Variants in UBE2G1 observed in about 807,000 individuals in gnomAD.
UBE2G1 encodes ubiquitin-conjugating enzyme E2 G1.
Under a neutral mutation model 22.7 loss-of-function variants are expected in UBE2G1, and 5 were observed. That is an observed-to-expected ratio of 0.22 (90% confidence interval 0.12 to 0.46). The LOEUF is 0.46. UBE2G1 is among the 20% of genes least tolerant of loss of function. UBE2G1 has a pLI of 0.99. For missense variants in UBE2G1, 88 were observed against 203.9 expected (o/e 0.43, Z 3.46); for synonymous variants, 74 against 67.5 (o/e 1.10, Z -0.47).
At chr17:4,324,484 A>G (rs1969478440) in intron 1 of UBE2G1, among the ~76,000 whole-genome samples, 1 of 152,220 alleles carries the variant, frequency 6.6e-6, no homozygotes, top group Non-Finnish European at 1.5e-5. Flanking sequence ...CAATTTTAAA[A>G]TCACACATTA....
intron 1 of UBE2G1, among the ~76,000 whole-genome samples, chr17:4,328,674 T>G (rs571411422): frequency 6.6e-6 from 1 of 152,254 alleles, no homozygotes; most frequent in African/African-American, 2.4e-5. Context: ...ATACATTTAT[T>G]CAAACTTATA....
intron 3 of UBE2G1, 51 bp from the exon 4 acceptor site, chr17:4,289,459 C>T (rs1171327064): frequency 3.4e-6 from 5 of 1,449,802 alleles, no homozygotes; most frequent in East Asian, 2.5e-5. Context: ...TTTGGTTATA[C>T]ATGAAATATC....
rs145469584 is a variant in UBE2G1, at chr17:4,315,256, G to A, written c.47-8133C>T. Among the ~76,000 whole-genome samples the A allele has an allele frequency of 8.0e-4, 122 of 151,828 alleles. 1 individual carries two copies. Among genetic ancestry groups the A allele is most frequent in the Middle Eastern group, 3.4e-3 (1 of 294 alleles). The stretch of plus-strand genomic sequence containing the variant: ...CTATCTGTCTACTTTGGTATTATTG[G>A]GCATTTAAAATTTTCCTCAAAAGAT... On this transcript the variant is annotated intron_variant, in intron 1 of 5. Transcript: ENST00000396981.
At chr17:4,278,935 CA>C (rs1420498144) in intron 5 of UBE2G1, among the ~76,000 whole-genome samples, 2 of 152,118 alleles carry the variant, frequency 1.3e-5, no homozygotes, top group South Asian at 2.1e-4. Flanking sequence ...CATTTAATCA[CA>C]AAAATAAATT....
intron 4 of UBE2G1, among the ~76,000 whole-genome samples, chr17:4,284,045 T>C (rs1028753814): frequency 6.6e-6 from 1 of 151,330 alleles, no homozygotes; most frequent in African/African-American, 2.4e-5. Flanking sequence ...TAGTCCCAGC[T>C]ACTTGGGAAG....
intron 1 of UBE2G1, among the ~76,000 whole-genome samples, chr17:4,356,294 G>A (rs1969905522): frequency 6.6e-6 from 1 of 151,718 alleles, no homozygotes; most frequent in Non-Finnish European, 1.5e-5. Context: ...GGAGGCAGAG[G>A]TTGCAGTGAG....
intron 2 of UBE2G1, chr17:4,302,797 AT>A (rs1208374236): frequency 5.5e-6 from 1 of 183,048 alleles, no homozygotes; most frequent in African/African-American, 2.4e-5. Context: ...GAGAAAAAAA[AT>A]AATGGAATGG....
At chr17:4,363,674 C>T (rs553449882) in intron 1 of UBE2G1, among the ~76,000 whole-genome samples, 2 of 152,120 alleles carry the variant, frequency 1.3e-5, no homozygotes, top group East Asian at 1.9e-4. Flanking sequence ...TCAGAGAGGC[C>T]GGGCCCGGTG....
At chr17:4,340,938 A>C (rs947297724) in intron 1 of UBE2G1, among the ~76,000 whole-genome samples, 1 of 151,140 alleles carries the variant, frequency 6.6e-6, no homozygotes, top group Admixed American at 6.6e-5. Context: ...CATAACATGA[A>C]TATAACAAAA....
intron 1 of UBE2G1, among the ~76,000 whole-genome samples, chr17:4,315,236 T>G (rs993939602): frequency 2.0e-5 from 3 of 152,194 alleles, no homozygotes; most frequent in African/African-American, 7.2e-5. Flanking sequence ...TATACCTATC[T>G]GTCTACTTTG....
At chr17:4,346,431 C>CTTTTTTTTTTTTTTTTTTT (rs67852481) in intron 1 of UBE2G1, among the ~76,000 whole-genome samples, 1 of 120,530 alleles carries the variant, frequency 8.3e-6, no homozygotes, top group African/African-American at 3.4e-5. Context: ...TTTTCTTCTT[C>CTTTTTTTTTTTTTTTTTTT]TTTTTTTTTT....
chr17:4,338,927 A>T (rs1969680230), intron 1 of UBE2G1, among the ~76,000 whole-genome samples: 1 of 152,154 alleles, frequency 6.6e-6, no homozygotes, highest in Non-Finnish European at 1.5e-5. Flanking sequence ...GCTAGTGCCT[A>T]CTGACCGAGC....
intron 5 of UBE2G1, among the ~76,000 whole-genome samples, chr17:4,281,967 C>CAT (rs202058714): frequency 0.049 from 7,434 of 152,220 alleles, 542 homozygotes; most frequent in African/African-American, 0.16. Context: ...ATCTTTGACT[C>CAT]CTTTCTAGAC....
chr17:4,332,775 G>C (rs914736200), intron 1 of UBE2G1, among the ~76,000 whole-genome samples: 3 of 152,154 alleles, frequency 2.0e-5, no homozygotes, highest in Non-Finnish European at 1.5e-5. Context: ...CAGGGCCCTT[G>C]TGCTTGCCTC....
chr17:4,332,497 T>C (rs1969590536), intron 1 of UBE2G1, among the ~76,000 whole-genome samples: 2 of 152,188 alleles, frequency 1.3e-5, no homozygotes, highest in Non-Finnish European at 2.9e-5. Flanking sequence ...AGTCACATCA[T>C]GTCACTATAC....
At chr17:4,302,746 G>C (rs1455733847) in intron 2 of UBE2G1, 1 of 195,556 alleles carries the variant, frequency 5.1e-6, no homozygotes, top group Non-Finnish European at 1.1e-5. Flanking sequence ...CACATCACTG[G>C]TTTGAAAATC....
intron 2 of UBE2G1, among the ~76,000 whole-genome samples, chr17:4,305,043 C>T (rs1177265700): frequency 6.6e-6 from 1 of 151,554 alleles, no homozygotes; most frequent in African/African-American, 2.4e-5. Flanking sequence ...ACCTCTGCCT[C>T]CTGGATTCAA....
chr17:4,358,865 C>T (rs926020269), intron 1 of UBE2G1, among the ~76,000 whole-genome samples: 37 of 151,996 alleles, frequency 2.4e-4, no homozygotes, highest in African/African-American at 8.0e-4. Flanking sequence ...GTGGGAGAAT[C>T]GCTTGAACCC....
intron 1 of UBE2G1, among the ~76,000 whole-genome samples, chr17:4,342,295 T>C (rs1969720785): frequency 6.6e-6 from 1 of 152,210 alleles, no homozygotes; most frequent in African/African-American, 2.4e-5. Flanking sequence ...CCTGAAATCA[T>C]CCTTGACACA....
Sources: allele counts gnomAD v4.1 joint callset (sites outside exome capture counted in the v4.1 genomes callset), GRCh38; gene constraint gnomAD v4.1.1; transcripts MANE v1.5; gene names NCBI Gene and HGNC (gene_info 2026-07-23, HGNC 2026-07-21).